Variants in TBC1D31 observed in about 807,000 individuals in gnomAD.
TBC1D31 encodes the protein WD repeat domain 67.
TBC1D31 carries 99 observed loss-of-function variants against 132.9 expected under a neutral mutation model. That is an observed-to-expected ratio of 0.74 (90% CI 0.63 to 0.88). The LOEUF (loss-of-function observed/expected upper bound fraction) is 0.88. Ranked by LOEUF, TBC1D31 falls within the 40% of genes least tolerant of loss-of-function variation. TBC1D31 has a pLI of 0.00. For missense variants in TBC1D31, 1,134 were observed against 1,256.6 expected (o/e 0.90, Z 1.48); for synonymous variants, 385 against 419.4 (o/e 0.92, Z 1.00).
Position 123,139,785 on chromosome 8 carries a change from A to T in TBC1D31, c.2500-976A>T, listed in dbSNP as rs77599355. ...TCCAGTTTTTCCTGTTAAGCTTTTTACTTAGCCTATTGGTTGCTCTTCTAA... is the reference window on the plus strand; with the variant it reads ...TCCAGTTTTTCCTGTTAAGCTTTTTTCTTAGCCTATTGGTTGCTCTTCTAA... On this transcript the variant is annotated intron_variant, in intron 17 of 21. Transcript: ENST00000287380. Among the ~76,000 whole-genome samples, 1,265 of 152,160 alleles carry T rather than the reference A, an allele frequency of 8.3e-3. 15 individuals are homozygous for T. The highest frequency in any genetic ancestry group is 0.03 in the African/African-American group (1,229 of 41,496).
In TBC1D31 at chr8:123,128,280, G is replaced by GTT; in HGVS notation, c.1892_1893dup (p.His632PhefsTer9). 14 of 1,505,758 alleles carry GTT rather than the reference G, an allele frequency of 9.3e-6. No individual in the cohort carries two copies. Among genetic ancestry groups the GTT allele is most frequent in the Middle Eastern group, 1.7e-4 (1 of 5,786 alleles). The allele number at this position is 1,505,758 out of a possible 1,614,324, so 93.3% of individuals were successfully genotyped here. ...GATTTAAACACCAAGTTTTCTTACA[G>GTT]TTTTTTTTTCACCATCGGAATAACC... On this transcript the variant is annotated frameshift_variant and splice_region_variant. Transcript: ENST00000287380. LOFTEE classifies it high-confidence loss of function.
intron 7 of TBC1D31, among the ~76,000 whole-genome samples, chr8:123,104,852 C>T (rs1440321925): frequency 6.6e-6 from 1 of 152,094 alleles, no homozygotes; most frequent in Non-Finnish European, 1.5e-5. Flanking sequence ...AGAAGAAAGT[C>T]ATTTGGCAGT....
intron 17 of TBC1D31, among the ~76,000 whole-genome samples, chr8:123,138,353 G>A (rs1339783099): frequency 5.3e-5 from 8 of 150,700 alleles, no homozygotes; most frequent in South Asian, 2.1e-4. Context: ...ATATCTTTTT[G>A]CATATAATTG....
At chr8:123,073,328 A>G (rs980802133) in intron 1 of TBC1D31, 1 of 456,736 alleles carries the variant, frequency 2.2e-6, no homozygotes, top group Admixed American at 2.3e-5. Flanking sequence ...GCATTCATCA[A>G]CTATTTGTTG....
At position 123,126,271 on chromosome 8, in the gene TBC1D31, A is replaced by T. The variant is rs1017908038; in HGVS notation, c.1704+82A>T. 9 of 1,474,592 alleles carry T rather than the reference A, an allele frequency of 6.1e-6. No individual in the cohort carries two copies. In the African/African-American group the frequency reaches 1.3e-4, roughly 21 times the overall value. The allele number at this position is 1,474,592 out of a possible 1,614,324, so 91.3% of individuals were successfully genotyped here. On this transcript the variant is annotated intron_variant, in intron 12 of 21. Coordinates refer to ENST00000287380, the MANE Select transcript of TBC1D31 (RefSeq NM_145647.4). Reference sequence around the variant, plus strand: ...TCTGGTATAAACAGTCTTTTCTTGAAGGAGTATAATAAAAAGCATACTACA... The same window carrying T: ...TCTGGTATAAACAGTCTTTTCTTGATGGAGTATAATAAAAAGCATACTACA...
At chr8:123,149,861 T>G (rs1296925687) in intron 20 of TBC1D31, among the ~76,000 whole-genome samples, 175 bp from the exon 21 acceptor site, 1 of 152,258 alleles carries the variant, frequency 6.6e-6, no homozygotes, top group Non-Finnish European at 1.5e-5. Flanking sequence ...AGCTCTTAAT[T>G]CTCACTAATG....
At position 123,109,741 on chromosome 8, in the gene TBC1D31, G is replaced by C. The variant is rs905151526; in HGVS notation, c.1436+121G>C. On this transcript the variant is annotated intron_variant, in intron 10 of 21. Coordinates refer to ENST00000287380, the MANE Select transcript of TBC1D31 (RefSeq NM_145647.4). The stretch of plus-strand genomic sequence containing the variant: ...TTGATTATCCTTATGTGATATGTTG[G>C]TTTAATTTTAAAAATGTACATGCAC... 3.3e-5 allele frequency: 31 copies of C among 943,298 alleles called. No individual in the cohort carries two copies. In the African/African-American group the frequency reaches 5.0e-4, roughly 15 times the overall value. The allele number at this position is 943,298 out of a possible 1,614,324, so 58.4% of individuals were successfully genotyped here.
Position 123,109,508 on chromosome 8 carries a change from GA to G in TBC1D31, c.1328del (p.Asn443IlefsTer9), listed in dbSNP as rs1408308082. ...TTGGCGCTCTCTGCTACAACTGCCT[GA>G]AAATCATACTGCGTTTAGTACCCTC... ...FIWRSLLQLP[E>X]NHTAFSTLID... On this transcript the variant is annotated frameshift_variant, in exon 10 of 22. Coordinates refer to ENST00000287380, the MANE Select transcript of TBC1D31 (RefSeq NM_145647.4). LOFTEE classifies it high-confidence loss of function. 6.2e-7 allele frequency: 1 copy of G among 1,613,868 alleles called. No individual in the cohort carries two copies. The highest frequency in any genetic ancestry group is 1.7e-5 in the Admixed American group (1 of 59,942).
At chr8:123,084,881 A>G (rs1169309944) in intron 4 of TBC1D31, among the ~76,000 whole-genome samples, 1 of 151,926 alleles carries the variant, frequency 6.6e-6, no homozygotes, top group African/African-American at 2.4e-5. Context: ...CCTCTGCCTT[A>G]CAGGTTCAAG....
intron 2 of TBC1D31, among the ~76,000 whole-genome samples, chr8:123,078,181 G>A (rs1814743473): frequency 1.3e-5 from 2 of 152,204 alleles, no homozygotes; most frequent in Non-Finnish European, 2.9e-5. Context: ...GGGAAGGACA[G>A]CTGCAGCAGC....
In TBC1D31 at chr8:123,093,602, A is replaced by C; in HGVS notation, c.531A>C (p.Leu177=). ...QSVGIQKVFF[L]PLSNTILSCF... Reference sequence around the variant, plus strand: ...CTATTCCTCCTTAGGTTTTCTTTCTACCATTAAGTAATACCATCCTCAGCT... The same window carrying C: ...CTATTCCTCCTTAGGTTTTCTTTCTCCCATTAAGTAATACCATCCTCAGCT... Residue 177 remains leucine, a synonymous_variant, in exon 5 of 22, where the codon CTA becomes CTC. Coordinates refer to ENST00000287380, the MANE Select transcript of TBC1D31 (RefSeq NM_145647.4). 6.2e-7 allele frequency: 1 copy of C among 1,601,692 alleles called. No homozygotes were observed. Among genetic ancestry groups the C allele is most frequent in the African/African-American group, 1.3e-5 (1 of 74,822 alleles).
intron 7 of TBC1D31, chr8:123,103,131 T>C (rs891667498): frequency 2.0e-5 from 3 of 152,210 alleles, no homozygotes; most frequent in African/African-American, 7.2e-5. Context: ...TATTCACTAA[T>C]CGAGTGTTCA....
chr8:123,087,907 G>T (rs1341259752), intron 4 of TBC1D31, among the ~76,000 whole-genome samples: 1 of 152,254 alleles, frequency 6.6e-6, no homozygotes, highest in Non-Finnish European at 1.5e-5. Flanking sequence ...ACAGGACCGG[G>T]TACGGGGGCT....
intron 16 of TBC1D31, 84 bp from the exon 17 acceptor site, chr8:123,134,030 C>A: frequency 9.8e-7 from 1 of 1,015,372 alleles, no homozygotes; most frequent in South Asian, 1.7e-5. Context: ...GTTAGTAGGT[C>A]GTTCAGATTA....
Position 123,144,809 on chromosome 8 carries a change from A to G in TBC1D31, c.2928A>G (p.Gln976=). ...CGTCTAGAAAGTGGTTTTTAAAGCA[A>G]GAGATAAATGCGGCTGTAGAACATG... ...SDASRKWFLK[Q]EINAAVEHAE... is the part of the protein sequence containing the mutation. Residue 976 remains glutamine (Q), a synonymous_variant, in exon 20 of 22, where the codon CAA becomes CAG. Transcript: ENST00000287380. 6.2e-7 allele frequency: 1 copy of G among 1,613,910 alleles called. No individual in the cohort carries two copies. Among genetic ancestry groups the G allele is most frequent in the South Asian group, 1.1e-5 (1 of 90,970 alleles).
intron 10 of TBC1D31, among the ~76,000 whole-genome samples, chr8:123,111,726 C>T (rs1774202593): frequency 1.3e-5 from 2 of 151,982 alleles, no homozygotes; most frequent in African/African-American, 4.8e-5. Flanking sequence ...ATAATAAAAA[C>T]TATATAACTA....
Position 123,126,391 on chromosome 8 carries a change from A to G in TBC1D31, c.1705-117A>G, listed in dbSNP as rs931033749. On this transcript the variant is annotated intron_variant, in intron 12 of 21. Transcript: ENST00000287380. Reference sequence around the variant, plus strand: ...GGTCCAAATTAAGGTAGTTATTTTCATAATTATGTATTTAATATGATTTTC... The same window carrying G: ...GGTCCAAATTAAGGTAGTTATTTTCGTAATTATGTATTTAATATGATTTTC... The G allele has an allele frequency of 4.2e-6, 5 of 1,179,690 alleles. No individual in the cohort carries two copies. In the African/African-American group the frequency reaches 4.7e-5, roughly 11 times the overall value. The allele number at this position is 1,179,690 out of a possible 1,614,324, so 73.1% of individuals were successfully genotyped here.
chr8:123,128,389 G>A lies in TBC1D31; in HGVS notation c.1993G>A (p.Val665Ile). ...CATTCATCCAGACAGCATGCTTAATGTTTTTGTTGCACTGACAAAAGGGCA... is the reference window on the plus strand; with the variant it reads ...CATTCATCCAGACAGCATGCTTAATATTTTTGTTGCACTGACAAAAGGGCA... ...TDIHPDSMLN[V>I]FVALTKGQYP... The change falls in exon 14 of 22, where the codon GTT becomes ATT. Residue 665 changes from valine to isoleucine, a missense_variant. Val to Ile is a conservative substitution (Grantham distance 29, BLOSUM62 3). Transcript: ENST00000287380. 1.9e-6 allele frequency: 3 copies of A among 1,613,260 alleles called. No homozygotes were observed. Among genetic ancestry groups the A allele is most frequent in the Non-Finnish European group, 2.5e-6 (3 of 1,179,388 alleles).
chr8:123,161,576 T>C, the TBC1D31 span, among the ~76,000 whole-genome samples: 2 of 152,206 alleles, frequency 1.3e-5, no homozygotes, highest in Non-Finnish European at 2.9e-5. Context: ...CCTAAAATAA[T>C]GTTGAAAAAC....
Sources: allele counts gnomAD v4.1 joint callset (sites outside exome capture counted in the v4.1 genomes callset), GRCh38; gene constraint gnomAD v4.1.1; transcripts MANE v1.5; gene names NCBI Gene and HGNC (gene_info 2026-07-23, HGNC 2026-07-21).